ZNF768: variants seen among roughly 807,000 people sequenced by gnomAD.
ZNF768 encodes zinc finger protein 768.
A neutral mutation model predicts 39.7 loss-of-function variants in ZNF768; 12 were observed. That is an observed-to-expected ratio of 0.30 (90% CI 0.19 to 0.49). ZNF768 has a LOEUF of 0.49. ZNF768 is among the 20% of genes least tolerant of loss of function. The probability of loss-of-function intolerance (pLI) is 0.99; values close to 1 mark genes in which losing one functional copy is unlikely to be tolerated. For synonymous variants in ZNF768, 360 were observed against 288.4 expected (o/e 1.25, Z -2.52); for missense variants, 613 against 723.2 (o/e 0.85, Z 1.75).
In ZNF768 at chr16:30,526,094, C is replaced by T. The variant is rs547264117; in HGVS notation, c.89-43G>A. The stretch of plus-strand genomic sequence containing the variant: ...CCAGATCGTGTGAGACCTGGAAGGT[C>T]ATTTGGTCCATTAGCAACCACACAC... On this transcript the variant is annotated intron_variant, in intron 1 of 1. Coordinates refer to ENST00000380412, the MANE Select transcript of ZNF768 (RefSeq NM_024671.4). The T allele has an allele frequency of 2.5e-5, 38 of 1,492,934 alleles. No individual in the cohort carries two copies. In the South Asian group the frequency reaches 4.9e-4, roughly 19 times the overall value. 92.5% of individuals were successfully genotyped at this position (1,492,934 alleles called of 1,614,324 possible).
rs1278046426 is a variant in ZNF768, at chr16:30,524,096, GCCCCACCCCGGGGCCCCACT to G, written c.*401_*420del. On this transcript the variant is annotated 3_prime_UTR_variant, in exon 2 of 2. Coordinates refer to ENST00000380412, the MANE Select transcript of ZNF768 (RefSeq NM_024671.4). ...CTGGGGTTTGCACGCAGAGGCCCAG[GCCCCACCCCGGGGCCCCACT>G]CCCCACCCCACCTACCTTTTACCCG... The G allele has an allele frequency of 5.1e-6, 1 of 195,592 alleles. No individual in the cohort carries two copies. The highest frequency in any genetic ancestry group is 1.0e-5 in the Non-Finnish European group (1 of 96,266). 12.1% of individuals were successfully genotyped at this position (195,592 alleles called of 1,614,324 possible). A position where few individuals can be genotyped will look rare whatever the true frequency, so the allele number is the denominator to read the frequency against.
At position 30,525,368 on chromosome 16, in the gene ZNF768, G is replaced by A. The variant is rs922240785; in HGVS notation, c.772C>T (p.Pro258Ser). The change falls in exon 2 of 2, where the codon CCT becomes TCT. Residue 258 changes from proline (P) to serine (S), a missense_variant. This residue lies in a region of ZNF768 where 347 missense variants were observed against 326.1 expected (regional missense o/e 1.06). Transcript: ENST00000380412. Reference protein sequence around the residue: ...RGGRARGGQGPRPNICGICGK... With the variant: ...RGGRARGGQGSRPNICGICGK... The stretch of plus-strand genomic sequence containing the variant: ...CAGATGCCACAGATGTTAGGCCGAG[G>A]GCCCTGCCCACCCCTGGCCCGGCCA... 8 of 1,613,948 alleles carry A rather than the reference G, an allele frequency of 5.0e-6. No individual in the cohort carries two copies. In the Admixed American group the frequency reaches 5.0e-5, roughly 10 times the overall value.
chr16:30,532,438 T>C, the ZNF768 span: 3 of 1,534,144 alleles, frequency 2.0e-6, no homozygotes, highest in Admixed American at 5.7e-5. Context: ...GCTGCAGAGG[T>C]TCGGGCCCCT....
Position 30,524,444 on chromosome 16 carries a change from T to C in ZNF768, c.*73A>G, listed in dbSNP as rs2051300564. On this transcript the variant is annotated 3_prime_UTR_variant, in exon 2 of 2. Coordinates refer to ENST00000380412, the MANE Select transcript of ZNF768 (RefSeq NM_024671.4). ...TTCTCCTGCGGCTTCTCCACTATCC[T>C]CCCTAAAGGTTCCTCTAGCTCCCTG... The C allele has an allele frequency of 6.6e-7, 1 of 1,518,048 alleles. No homozygotes were observed. Among genetic ancestry groups the C allele is most frequent in the African/African-American group, 1.4e-5 (1 of 72,170 alleles). 94.0% of individuals were successfully genotyped at this position (1,518,048 alleles called of 1,614,324 possible).
chr16:30,526,578 C>A, upstream of ZNF768: 8 of 1,035,196 alleles, frequency 7.7e-6, no homozygotes, highest in Non-Finnish European at 9.3e-6. Context: ...GACCCCGCGC[C>A]TCTCCAGCGC....
rs993961005 is a variant in ZNF768, at chr16:30,524,454, T to C, written c.*63A>G. ...GCTTCTCCACTATCCTCCCTAAAGG[T>C]TCCTCTAGCTCCCTGGCCCCTTATC... On this transcript the variant is annotated 3_prime_UTR_variant, in exon 2 of 2. Transcript: ENST00000380412. 5 of 1,535,124 alleles carry C rather than the reference T, an allele frequency of 3.3e-6. No homozygotes were observed. In the African/African-American group the frequency reaches 4.1e-5, roughly 13 times the overall value.
chr16:30,532,435 A>T, the ZNF768 span: 10 of 1,525,792 alleles, frequency 6.6e-6, no homozygotes, highest in Non-Finnish European at 8.0e-6. Flanking sequence ...GCCGCTGCAG[A>T]GGTTCGGGCC....
In ZNF768 at chr16:30,524,159, GT is replaced by G. The variant is rs1233824644; in HGVS notation, c.*357del. The G allele has an allele frequency of 7.7e-6, 2 of 260,568 alleles. No homozygotes were observed. The highest frequency in any genetic ancestry group is 4.5e-5 in the African/African-American group (2 of 44,800). The allele number at this position is 260,568 out of a possible 1,614,324, so 16.1% of individuals were successfully genotyped here. On this transcript the variant is annotated 3_prime_UTR_variant, in exon 2 of 2. Coordinates refer to ENST00000380412, the MANE Select transcript of ZNF768 (RefSeq NM_024671.4). ...TTTACCCGCTCCTGACTCAACGAGA[GT>G]TTCAGCAGCTACCAATCTAAGCTAA...
chr16:30,530,910 A>C (rs1232837300), upstream of ZNF768: 2 of 152,286 alleles, frequency 1.3e-5, no homozygotes, highest in African/African-American at 4.8e-5. This position sits in a 1 kb window ranked among gnomAD's most constrained non-coding sequence, Gnocchi z 4.4. Flanking sequence ...CAAAGGAATT[A>C]GTGGTAGCTG....
chr16:30,528,409 C>G (rs1018532609), upstream of ZNF768: 1 of 152,074 alleles, frequency 6.6e-6, no homozygotes, highest in Non-Finnish European at 1.5e-5. Flanking sequence ...CAAAAATTAG[C>G]CAGGCACGGT....
At chr16:30,528,604 G>A (rs2051347622), upstream of ZNF768, among the ~76,000 whole-genome samples, 2 of 152,242 alleles carry the variant, frequency 1.3e-5, no homozygotes, top group African/African-American at 2.4e-5. Flanking sequence ...CTTATGCCAC[G>A]AATGAAGCGG....
chr16:30,530,017 G>C (rs1029274560), upstream of ZNF768, among the ~76,000 whole-genome samples: 1 of 151,924 alleles, frequency 6.6e-6, no homozygotes, highest in African/African-American at 2.4e-5. This position sits in a 1 kb window ranked among gnomAD's most constrained non-coding sequence, Gnocchi z 4.4. Flanking sequence ...CCTTAGTAGA[G>C]ACGGGGTTTC....
upstream of ZNF768, chr16:30,526,805 T>TC (rs1313353016): frequency 9.2e-6 from 1 of 108,486 alleles, no homozygotes; most frequent in South Asian, 4.8e-4. Context: ...CCCCCCACCC[T>TC]CCCCCGCACA....
At chr16:30,531,866 GC>G in the ZNF768 span, 1 of 153,354 alleles carries the variant, frequency 6.5e-6, no homozygotes, top group Non-Finnish European at 1.4e-5. Context: ...AAAAGAAAAG[GC>G]CAGGTGAGGT....
At chr16:30,529,938 C>A (rs544312968), upstream of ZNF768, among the ~76,000 whole-genome samples, 37 of 151,780 alleles carry the variant, frequency 2.4e-4, no homozygotes, top group Admixed American at 2.4e-3. Flanking sequence ...ATTCTCCTGC[C>A]TCACCCTCCT....
Position 30,524,758 on chromosome 16 carries a change from T to A in ZNF768, c.1382A>T (p.Asp461Val). Reference sequence around the variant, plus strand: ...GGAGCGATTGAAGGTCTTGCCGCAGTCGGGGCAGCTGTAGGTGCGGCCTGG... The same window carrying A: ...GGAGCGATTGAAGGTCTTGCCGCAGACGGGGCAGCTGTAGGTGCGGCCTGG... Reference protein sequence around the residue: ...HLPGRTYSCPDCGKTFNRSST... With the variant: ...HLPGRTYSCPVCGKTFNRSST... Residue 461 changes from aspartate to valine, a missense_variant, in exon 2 of 2, where the codon GAC becomes GTC. Around this residue, in one of 4 missense-constraint regions of ZNF768, gnomAD observed 204 missense variants for 281.7 expected, o/e 0.72. Coordinates refer to ENST00000380412, the MANE Select transcript of ZNF768 (RefSeq NM_024671.4). 6.2e-7 allele frequency: 1 copy of A among 1,601,296 alleles called. No homozygotes were observed. The highest frequency in any genetic ancestry group is 8.5e-7 in the Non-Finnish European group (1 of 1,175,358).
At chr16:30,532,470 C>A in the ZNF768 span, 1 of 1,582,752 alleles carries the variant, frequency 6.3e-7, no homozygotes. Context: ...GGGCCGCCCA[C>A]AATGTCTAGA....
chr16:30,527,429 C>T (rs1361847003), upstream of ZNF768: 1 of 648,450 alleles, frequency 1.5e-6, no homozygotes, highest in Non-Finnish European at 1.9e-6. Context: ...CGGCGGTTGG[C>T]CGATGGGGCT....
rs938602453 is a variant in ZNF768 at position 30,524,161 on chromosome 16, T to C, written c.*356A>G. Reference sequence around the variant, plus strand: ...TACCCGCTCCTGACTCAACGAGAGTTTCAGCAGCTACCAATCTAAGCTAAC... The same window carrying C: ...TACCCGCTCCTGACTCAACGAGAGTCTCAGCAGCTACCAATCTAAGCTAAC... On this transcript the variant is annotated 3_prime_UTR_variant, in exon 2 of 2. Transcript: ENST00000380412. The C allele has an allele frequency of 3.1e-5, 8 of 260,440 alleles. No individual in the cohort carries two copies. The highest frequency in any genetic ancestry group is 5.8e-5 in the Non-Finnish European group (8 of 137,136). The allele number at this position is 260,440 out of a possible 1,614,324, so 16.1% of individuals were successfully genotyped here.
Sources: gnomAD v4.1 joint callset for allele counts (sites outside exome capture counted in the v4.1 genomes callset) on GRCh38, gnomAD v4.1.1 for gene constraint, gnomAD v4.1.1 regional missense constraint, Gnocchi (gnomAD v3.1) non-coding constraint, MANE v1.5 for transcripts, NCBI Gene and HGNC (gene_info 2026-07-23, HGNC 2026-07-21) for gene names.